RARB: variants seen among roughly 807,000 people sequenced by gnomAD.
The protein encoded by RARB is retinoic acid receptor beta.
RARB carries 17 observed loss-of-function variants against 51.9 expected under a neutral mutation model. That is an observed-to-expected ratio of 0.33 (90% CI 0.22 to 0.49). The LOEUF (loss-of-function observed/expected upper bound fraction) is 0.49. Among genes scored for constraint, RARB ranks in the 20% least tolerant of loss-of-function variants. The pLI is 0.99. For missense variants in RARB, 369 were observed against 550.8 expected, an observed-to-expected ratio of 0.67 and a Z score of 3.30; for synonymous variants, 215 against 195.4, an observed-to-expected ratio of 1.10 and a Z score of -0.84.
At chr3:24,943,404 A>G (rs1317696729) in intron 2 of RARB, among the ~76,000 whole-genome samples, 1 of 152,126 alleles carries the variant, frequency 6.6e-6, no homozygotes, top group African/African-American at 2.4e-5. Flanking sequence ...CTCCATATTG[A>G]ATCCATACCC....
chr3:25,044,878 T>C (rs1008933339), intron 2 of RARB, among the ~76,000 whole-genome samples: 6 of 152,206 alleles, frequency 3.9e-5, no homozygotes, highest in Non-Finnish European at 7.3e-5. Flanking sequence ...ACAGCAGTCC[T>C]GTCTCTCTTT....
chr3:25,031,155 C>T (rs139271060), intron 2 of RARB, among the ~76,000 whole-genome samples: 1 of 152,236 alleles, frequency 6.6e-6, no homozygotes, highest in East Asian at 1.9e-4. Context: ...CCACCCTCGC[C>T]AAGTTGTGAC....
chr3:25,442,317 G>T (rs1344077522), intron 1 of RARB, among the ~76,000 whole-genome samples: 1 of 151,940 alleles, frequency 6.6e-6, no homozygotes, highest in Non-Finnish European at 1.5e-5. Context: ...TGTGTTTTTA[G>T]TAGAGACGGG....
intron 2 of RARB, among the ~76,000 whole-genome samples, chr3:25,043,977 G>C (rs1291143009): frequency 3.3e-5 from 5 of 152,046 alleles, no homozygotes; most frequent in African/African-American, 1.2e-4. Flanking sequence ...TGGAGTGCAA[G>C]TCCTCCTGAC....
At chr3:24,932,821 C>T (rs898851307) in intron 2 of RARB, among the ~76,000 whole-genome samples, 1 of 152,120 alleles carries the variant, frequency 6.6e-6, no homozygotes, top group Non-Finnish European at 1.5e-5. Context: ...AAAACTACCA[C>T]ACTGACTTAC....
At chr3:24,840,540 T>C (rs115722823) in intron 1 of RARB, among the ~76,000 whole-genome samples, 139 of 152,238 alleles carry the variant, frequency 9.1e-4, no homozygotes, top group Middle Eastern at 3.4e-3. Context: ...AGCTAAACCA[T>C]GTATATGGAA....
chr3:25,463,899 G>A (rs1452570533), intron 2 of RARB, among the ~76,000 whole-genome samples: 1 of 152,116 alleles, frequency 6.6e-6, no homozygotes, highest in African/African-American at 2.4e-5. Context: ...TGGTAGTCAG[G>A]AAAGTTATAT....
intron 2 of RARB, among the ~76,000 whole-genome samples, chr3:25,022,700 C>A (rs970506845): frequency 1.3e-5 from 2 of 152,086 alleles, no homozygotes; most frequent in Non-Finnish European, 2.9e-5. Flanking sequence ...GGGAAGGCTT[C>A]CCTGAAGAGC....
intron 3 of RARB, among the ~76,000 whole-genome samples, chr3:25,515,118 A>G (rs545190909): frequency 2.6e-5 from 4 of 152,306 alleles, no homozygotes; most frequent in African/African-American, 9.6e-5. Context: ...AAGGATAATA[A>G]CGGTGTCCAG....
Position 25,596,747 on chromosome 3 carries a change from G to A in RARB, c.*131G>A. ...ATTAAAACTCAAGAAGGACCAAGAA[G>A]TTTTCATATGTATCAATATATATAC... is the stretch of plus-strand genomic sequence containing the variant. On this transcript the variant is annotated 3_prime_UTR_variant, in exon 8 of 8. Coordinates refer to ENST00000330688, the MANE Select transcript of RARB (RefSeq NM_000965.5). 3 of 750,410 alleles carry A rather than the reference G, an allele frequency of 4.0e-6. No individual in the cohort carries two copies. Among genetic ancestry groups the A allele is most frequent in the Non-Finnish European group, 6.3e-6 (3 of 476,998 alleles). 46.5% of individuals were successfully genotyped at this position (750,410 alleles called of 1,614,324 possible).
In RARB at chr3:25,261,459, A is replaced by T. The variant is rs1185342076; in HGVS notation, c.178+86884A>T. Among the ~76,000 whole-genome samples the T allele has an allele frequency of 2.0e-5, 3 of 152,058 alleles. No homozygotes were observed. The South Asian group carries it at 6.2e-4, about 32-fold the overall frequency. ...TACTGTCCCCTGAGGTTCTATTTTC[A>T]GCCTATCACTCTTCTCATTCTGGAG... On this transcript the variant is annotated intron_variant, in intron 5 of 11. Transcript: ENST00000383772.
At chr3:25,266,364 G>A (rs1245245354) in intron 5 of RARB, among the ~76,000 whole-genome samples, 1 of 151,914 alleles carries the variant, frequency 6.6e-6, no homozygotes, top group African/African-American at 2.4e-5. Context: ...ATGTTTTTCT[G>A]TCCTTTTTCA....
chr3:25,260,974 A>C (rs1048442677), intron 5 of RARB, among the ~76,000 whole-genome samples: 1 of 152,128 alleles, frequency 6.6e-6, no homozygotes, highest in African/African-American at 2.4e-5. Context: ...TCACTGAGTA[A>C]TTTTGGACAA....
upstream of RARB, among the ~76,000 whole-genome samples, chr3:25,424,224 C>T (rs1707929448): frequency 6.6e-6 from 1 of 152,200 alleles, no homozygotes; most frequent in African/African-American, 2.4e-5. Context: ...ATGCCCAGAG[C>T]CACCTTGCAA....
At chr3:25,303,170 C>G (rs1200866588) in intron 5 of RARB, among the ~76,000 whole-genome samples, 1 of 152,132 alleles carries the variant, frequency 6.6e-6, no homozygotes, top group Non-Finnish European at 1.5e-5. Context: ...GCCCCAAAGC[C>G]TATATTATAT....
chr3:25,358,703 T>C (rs190919101), intron 5 of RARB, among the ~76,000 whole-genome samples: 1 of 152,340 alleles, frequency 6.6e-6, no homozygotes, highest in East Asian at 1.9e-4. Flanking sequence ...TGTTGAATTT[T>C]ATTGAAGGCT....
chr3:24,839,530 T>C (rs969032788), intron 1 of RARB, among the ~76,000 whole-genome samples: 8 of 113,616 alleles, frequency 7.0e-5, no homozygotes, highest in Admixed American at 1.8e-4. Context: ...AGAAACCCTG[T>C]CTCTGAAAAA....
At chr3:24,881,889 A>G (rs1406278755) in intron 2 of RARB, among the ~76,000 whole-genome samples, 2 of 152,208 alleles carry the variant, frequency 1.3e-5, no homozygotes, top group Non-Finnish European at 1.5e-5. Context: ...TTTTGAATGA[A>G]TTAGTGAAAT....
At chr3:25,136,312 A>G (rs1200626905) in intron 4 of RARB, among the ~76,000 whole-genome samples, 1 of 152,020 alleles carries the variant, frequency 6.6e-6, no homozygotes, top group Non-Finnish European at 1.5e-5. Context: ...ACATATGGAT[A>G]AGCCATTTTC....
Sources: allele counts gnomAD v4.1 joint callset (sites outside exome capture counted in the v4.1 genomes callset), GRCh38; gene constraint gnomAD v4.1.1; transcripts MANE v1.5; gene names NCBI Gene and HGNC (gene_info 2026-07-23, HGNC 2026-07-21).